Variants in TSGA10 observed in about 807,000 individuals in gnomAD.
TSGA10 encodes testis specific 10, also known as testis-specific gene 10 protein.
In TSGA10, 43 loss-of-function variants were observed where a neutral mutation model predicts 96.6. That is an observed-to-expected ratio of 0.44 (90% CI 0.35 to 0.57). The LOEUF (loss-of-function observed/expected upper bound fraction) is 0.57, where lower values mean the gene tolerates loss of function less well. Ranked by LOEUF, TSGA10 falls within the 20% of genes least tolerant of loss-of-function variation. TSGA10 has a pLI of 0.01. For synonymous variants in TSGA10, 229 were observed against 269.9 expected, an observed-to-expected ratio of 0.85 and a Z score of 1.48; for missense variants, 703 against 834.4, an observed-to-expected ratio of 0.84 and a Z score of 1.94.
intron 1 of TSGA10, among the ~76,000 whole-genome samples, chr2:99,133,744 G>A (rs368074973): frequency 6.6e-6 from 1 of 152,138 alleles, no homozygotes; most frequent in Non-Finnish European, 1.5e-5. Flanking sequence ...TCCATGTTTA[G>A]TGCTTCCTTC....
chr2:99,042,857 T>G (rs951127181), intron 16 of TSGA10, among the ~76,000 whole-genome samples: 1 of 151,786 alleles, frequency 6.6e-6, no homozygotes, highest in African/African-American at 2.4e-5. Context: ...GCATGCACCA[T>G]CATGCCCGGC....
chr2:99,043,276 A>G (rs953013698), intron 16 of TSGA10, among the ~76,000 whole-genome samples: 1 of 152,156 alleles, frequency 6.6e-6, no homozygotes, highest in African/African-American at 2.4e-5. Flanking sequence ...TCAGCAGTGG[A>G]TTCTGAACTG....
At chr2:99,007,676 C>A (rs1276684380) in intron 20 of TSGA10, among the ~76,000 whole-genome samples, 4 of 152,148 alleles carry the variant, frequency 2.6e-5, no homozygotes, top group East Asian at 1.9e-4. Flanking sequence ...GAACACCACT[C>A]TTGATATAAA....
intron 10 of TSGA10, among the ~76,000 whole-genome samples, chr2:99,101,230 G>C (rs1356622605): frequency 1.9e-5 from 2 of 104,836 alleles, no homozygotes; most frequent in Admixed American, 1.4e-4. Context: ...GGGCGACAGA[G>C]TGAGACTCTG....
At chr2:99,010,469 A>AAT (rs1418427055) in intron 20 of TSGA10, among the ~76,000 whole-genome samples, 2 of 152,270 alleles carry the variant, frequency 1.3e-5, no homozygotes, top group Non-Finnish European at 2.9e-5. Context: ...CCCACTGGGG[A>AAT]ATCTAAAAAT....
Position 99,127,012 on chromosome 2 carries a change from A to C in TSGA10, c.-492+36T>G, listed in dbSNP as rs1330349071. On this transcript the variant is annotated intron_variant, in intron 2 of 20. Coordinates refer to ENST00000393483, the MANE Select transcript of TSGA10 (RefSeq NM_025244.4). ...GTTTCAAAATAGGCTCCCACCCCAA[A>C]TTAAGTCAGGAAAATATGTTGTAAC... is the stretch of plus-strand genomic sequence containing the variant. 7 of 1,281,852 alleles carry C rather than the reference A, an allele frequency of 5.5e-6. No homozygotes were observed. In the Admixed American group the frequency reaches 1.7e-4, roughly 31 times the overall value. 79.4% of individuals were successfully genotyped at this position (1,281,852 alleles called of 1,614,324 possible). A position where few individuals can be genotyped will look rare whatever the true frequency, so the allele number is the denominator to read the frequency against.
intron 4 of TSGA10, among the ~76,000 whole-genome samples, chr2:99,113,460 C>T (rs1200277903): frequency 6.6e-6 from 1 of 152,202 alleles, no homozygotes; most frequent in African/African-American, 2.4e-5. Context: ...AACAGGCCTC[C>T]TGCCAATAGC....
At chr2:99,025,793 C>A (rs1030643585) in intron 17 of TSGA10, among the ~76,000 whole-genome samples, 1 of 152,126 alleles carries the variant, frequency 6.6e-6, no homozygotes, top group Admixed American at 6.5e-5. Context: ...AGTACATATT[C>A]ATTTTCACTA....
At chr2:99,046,627 T>C (rs1471219190) in intron 16 of TSGA10, among the ~76,000 whole-genome samples, 1 of 152,000 alleles carries the variant, frequency 6.6e-6, no homozygotes, top group East Asian at 1.9e-4. Flanking sequence ...GCAAGAAAGA[T>C]CTAAAATTGA....
At chr2:99,053,761 C>T (rs996354295) in intron 16 of TSGA10, among the ~76,000 whole-genome samples, 1 of 151,978 alleles carries the variant, frequency 6.6e-6, no homozygotes, top group Admixed American at 6.6e-5. Context: ...AGTAGCATTT[C>T]TATACACTGA....
chr2:99,080,184 C>G (rs1158045319), intron 11 of TSGA10, among the ~76,000 whole-genome samples: 1 of 152,194 alleles, frequency 6.6e-6, no homozygotes, highest in Non-Finnish European at 1.5e-5. Flanking sequence ...CCCACTCTAT[C>G]TTCTACATCC....
intron 1 of TSGA10, chr2:99,141,958 G>A (rs911442297): frequency 6.6e-6 from 1 of 152,474 alleles, no homozygotes; most frequent in Non-Finnish European, 1.5e-5. Context: ...GCAGCCTGGA[G>A]TCAGGGGAGC....
intron 2 of TSGA10, among the ~76,000 whole-genome samples, chr2:99,119,164 A>T (rs533584148): frequency 6.6e-6 from 1 of 152,216 alleles, no homozygotes; most frequent in South Asian, 2.1e-4. Context: ...AAAAAACTTT[A>T]TAAGTTGTCA....
At chr2:99,084,281 T>C (rs1414218915) in intron 10 of TSGA10, among the ~76,000 whole-genome samples, 3 of 152,190 alleles carry the variant, frequency 2.0e-5, no homozygotes, top group African/African-American at 7.2e-5. Context: ...CATGTTGAAA[T>C]GTGATTTCCA....
chr2:99,047,721 G>A (rs1255657493), intron 16 of TSGA10, among the ~76,000 whole-genome samples: 1 of 152,068 alleles, frequency 6.6e-6, no homozygotes, highest in Non-Finnish European at 1.5e-5. Context: ...TTCTGGCCAG[G>A]GCAATCAGGC....
Position 99,081,348 on chromosome 2 carries a change from G to A in TSGA10, c.661C>T (p.Leu221Phe). 1 of 1,595,160 alleles carries A rather than the reference G, an allele frequency of 6.3e-7. No homozygotes were observed. ...TGTAGCTCATATTTTTTCTTAGCAA[G>A]GTGTCGCTGAGTATCAGAAAGATCT... is the stretch of plus-strand genomic sequence containing the variant. Reference protein sequence around the residue: ...EKDLSDTQRHLAKKKYELQLT... With the variant: ...EKDLSDTQRHFAKKKYELQLT... Residue 221 changes from leucine to phenylalanine, a missense_variant, in exon 11 of 21, where the codon CTT becomes TTT. Transcript: ENST00000393483.
At chr2:99,101,244 CAAAAAAAAAAAAA>C (rs869263270) in intron 10 of TSGA10, among the ~76,000 whole-genome samples, 2 of 24,348 alleles carry the variant, frequency 8.2e-5, no homozygotes, top group Non-Finnish European at 1.3e-4. Flanking sequence ...GACTCTGTCT[CAAAAAAAAAAAAA>C]AAAAAAAAAA....
At chr2:99,103,325 A>G (rs2090984570) in intron 10 of TSGA10, among the ~76,000 whole-genome samples, 1 of 152,180 alleles carries the variant, frequency 6.6e-6, no homozygotes, top group Non-Finnish European at 1.5e-5. Context: ...ATGAAATTCA[A>G]CCTTACTGAA....
chr2:99,118,801 A>C, intron 2 of TSGA10, 115 bp from the exon 3 acceptor site: 1 of 289,198 alleles, frequency 3.5e-6, no homozygotes, highest in Non-Finnish European at 5.2e-6. Flanking sequence ...CTCTTTGTTT[A>C]CTTGAGGAAA....
Sources: allele counts gnomAD v4.1 joint callset (sites outside exome capture counted in the v4.1 genomes callset), GRCh38; gene constraint gnomAD v4.1.1; transcripts MANE v1.5; gene names NCBI Gene and HGNC (gene_info 2026-07-23, HGNC 2026-07-21).